The following SLC2A13 variants were observed in gnomAD, a reference collection of about 807,000 sequenced individuals.
SLC2A13 encodes the protein proton myo-inositol cotransporter.
SLC2A13 carries 32 observed loss-of-function variants against 64.4 expected under a neutral mutation model. The ratio of observed to expected loss-of-function variants is 0.50; its 90% CI spans 0.37 to 0.67. The LOEUF is 0.67. SLC2A13 is among the 30% of genes least tolerant of loss of function. The pLI is 0.00. For missense variants in SLC2A13, 743 were observed against 829.2 expected, an observed-to-expected ratio of 0.90 and a Z score of 1.28; for synonymous variants, 338 against 327.1, an observed-to-expected ratio of 1.03 and a Z score of -0.36.
chr12:39,917,038 C>T (rs1263554728), intron 4 of SLC2A13, among the ~76,000 whole-genome samples: 1 of 152,082 alleles, frequency 6.6e-6, no homozygotes, highest in African/African-American at 2.4e-5. Flanking sequence ...TTATTGAACA[C>T]CTGCTATATA....
chr12:39,867,600 C>A (rs1312702456), intron 5 of SLC2A13, among the ~76,000 whole-genome samples: 1 of 152,080 alleles, frequency 6.6e-6, no homozygotes, highest in Non-Finnish European at 1.5e-5. Context: ...TCCAACCAAC[C>A]TAAAAATTAT....
intron 3 of SLC2A13, among the ~76,000 whole-genome samples, chr12:40,009,252 T>C (rs1423742455): frequency 3.9e-5 from 6 of 152,188 alleles, no homozygotes. Context: ...AAAGGGAGGC[T>C]GAATTTATTT....
At chr12:39,815,830 A>G (rs1487516413) in intron 7 of SLC2A13, among the ~76,000 whole-genome samples, 1 of 152,248 alleles carries the variant, frequency 6.6e-6, no homozygotes, top group Non-Finnish European at 1.5e-5. Flanking sequence ...AGCACAGTAC[A>G]ACATTCTATA....
In SLC2A13 at chr12:39,757,300, TGCTTTAATATGGTA is replaced by T. The variant is rs950667387; in HGVS notation, c.*2712_*2725del. ...GAAAGCATGATACGTAATCTGTGTC[TGCTTTAATATGGTA>T]GGTCAAATCACATCATATATAAATT... On this transcript the variant is annotated 3_prime_UTR_variant, in exon 10 of 10. Coordinates refer to ENST00000280871, the MANE Select transcript of SLC2A13 (RefSeq NM_052885.4). 1 of 151,856 alleles carries T rather than the reference TGCTTTAATATGGTA, an allele frequency of 6.6e-6. No individual in the cohort carries two copies. Among genetic ancestry groups the T allele is most frequent in the Admixed American group, 6.6e-5 (1 of 15,194 alleles). 9.4% of individuals were successfully genotyped at this position (151,856 alleles called of 1,614,324 possible). A position where few individuals can be genotyped will look rare whatever the true frequency, so the allele number is the denominator to read the frequency against.
At chr12:39,921,159 T>G (rs767551950) in intron 4 of SLC2A13, among the ~76,000 whole-genome samples, 8 of 152,136 alleles carry the variant, frequency 5.3e-5, no homozygotes, top group Non-Finnish European at 8.8e-5. Context: ...TATATAGAGC[T>G]GCAAGGGGGC....
At chr12:40,017,851 T>C (rs1345702631) in intron 3 of SLC2A13, among the ~76,000 whole-genome samples, 1 of 151,726 alleles carries the variant, frequency 6.6e-6, no homozygotes, top group African/African-American at 2.4e-5. Context: ...TCTTTAGAGG[T>C]TCCTCTGTGA....
intron 3 of SLC2A13, among the ~76,000 whole-genome samples, chr12:39,994,565 G>A (rs528684197): frequency 6.6e-6 from 1 of 152,168 alleles, no homozygotes; most frequent in South Asian, 2.1e-4. Flanking sequence ...AGCACATTCT[G>A]TCTCACATTA....
intron 1 of SLC2A13, among the ~76,000 whole-genome samples, chr12:40,081,650 T>C (rs1468495992): frequency 2.0e-5 from 3 of 152,208 alleles, no homozygotes; most frequent in Non-Finnish European, 4.4e-5. Flanking sequence ...ACGACCTTAT[T>C]TGCCATGCAA....
intron 3 of SLC2A13, among the ~76,000 whole-genome samples, chr12:40,005,361 G>A (rs1947397480): frequency 6.6e-6 from 1 of 152,144 alleles, no homozygotes; most frequent in South Asian, 2.1e-4. Context: ...TTTAGTATTA[G>A]TGCAGGCATC....
At chr12:39,876,860 A>G (rs2135949560) in intron 4 of SLC2A13, among the ~76,000 whole-genome samples, 1 of 152,324 alleles carries the variant, frequency 6.6e-6, no homozygotes, top group East Asian at 1.9e-4. Context: ...TGACTTACTC[A>G]ACAGTCTTAT....
chr12:39,775,855 G>T (rs1940755543), intron 7 of SLC2A13, among the ~76,000 whole-genome samples: 1 of 152,168 alleles, frequency 6.6e-6, no homozygotes, highest in African/African-American at 2.4e-5. Context: ...TCAGATTTCA[G>T]ATTTTGGAAT....
Position 39,764,524 on chromosome 12 carries a change from G to T in SLC2A13, c.1656C>A (p.Asn552Lys). The T allele has an allele frequency of 6.2e-7, 1 of 1,612,144 alleles. No individual in the cohort carries two copies. The highest frequency in any genetic ancestry group is 8.5e-7 in the Non-Finnish European group (1 of 1,179,226). The change falls in exon 9 of 10, where the codon AAC becomes AAA. Residue 552 changes from asparagine (N) to lysine (K), a missense_variant. Asn to Lys is a moderately conservative substitution (Grantham distance 94). Transcript: ENST00000280871. ...STGNACSSGI[N>K]WIFNVLVSLT... ...GTGAAACCAGGACATTGAAAATCCAGTTTATTCCAGATGAACATGCATTTC... is the reference window on the plus strand; with the variant it reads ...GTGAAACCAGGACATTGAAAATCCATTTTATTCCAGATGAACATGCATTTC...
intron 7 of SLC2A13, chr12:39,802,305 T>C (rs1316688186): frequency 6.6e-6 from 1 of 152,170 alleles, no homozygotes; most frequent in South Asian, 2.1e-4. Flanking sequence ...GTGATCTGAA[T>C]GACAATAAGA....
intron 1 of SLC2A13, among the ~76,000 whole-genome samples, chr12:40,066,294 A>C (rs1402432744): frequency 6.6e-6 from 1 of 152,196 alleles, no homozygotes. Context: ...AGCTAGCTAT[A>C]AAACAAACCC....
chr12:39,952,874 A>G (rs1249915927), intron 3 of SLC2A13, among the ~76,000 whole-genome samples: 2 of 152,220 alleles, frequency 1.3e-5, no homozygotes, highest in Non-Finnish European at 2.9e-5. Context: ...AAAGATAGGC[A>G]GGCTCATCTG....
chr12:40,012,990 A>AG (rs1234556420), intron 3 of SLC2A13, among the ~76,000 whole-genome samples: 1 of 152,210 alleles, frequency 6.6e-6, no homozygotes, highest in African/African-American at 2.4e-5. Flanking sequence ...GTGAGTTGGT[A>AG]AGAAAAATCC....
chr12:40,085,358 G>T (rs1938555785), intron 1 of SLC2A13, among the ~76,000 whole-genome samples: 2 of 152,232 alleles, frequency 1.3e-5, no homozygotes, highest in South Asian at 4.1e-4. Context: ...AAGTTCCAGA[G>T]ACCCAAATTT....
Position 39,764,876 on chromosome 12 carries a change from A to G in SLC2A13, c.1446-18T>C, listed in dbSNP as rs1355312487. On this transcript the variant is annotated intron_variant, in intron 7 of 9. Transcript: ENST00000280871. ...TTTCACACCTGAAAAATAATGCAAT[A>G]TAAGTATTAACTTAATGTTTTTGAC... is the stretch of plus-strand genomic sequence containing the variant. 3.7e-6 allele frequency: 6 copies of G among 1,608,738 alleles called. No homozygotes were observed. Among genetic ancestry groups the G allele is most frequent in the Admixed American group, 3.4e-5 (2 of 59,412 alleles).
At chr12:40,102,657 G>A (rs1326958271) in intron 1 of SLC2A13, among the ~76,000 whole-genome samples, 1 of 151,940 alleles carries the variant, frequency 6.6e-6, no homozygotes, top group Non-Finnish European at 1.5e-5. Context: ...ATATCATAAG[G>A]ACAAAACAAC....
Sources: allele counts gnomAD v4.1 joint callset (sites outside exome capture counted in the v4.1 genomes callset), GRCh38; gene constraint gnomAD v4.1.1; transcripts MANE v1.5; gene names NCBI Gene and HGNC (gene_info 2026-07-23, HGNC 2026-07-21).